The following NBAS variants were observed in gnomAD, a reference collection of about 807,000 sequenced individuals.
The protein encoded by NBAS is NAG/BC035112 fusion.
Under a neutral mutation model 302.5 loss-of-function variants are expected in NBAS, and 219 were observed. The observed-to-expected ratio is 0.72, with a 90% CI of 0.65 to 0.81. The LOEUF (loss-of-function observed/expected upper bound fraction) is 0.81. Ranked by LOEUF, NBAS falls within the 30% of genes least tolerant of loss-of-function variation. The pLI is 0.00. For missense variants in NBAS, 2,932 were observed against 2,841.6 expected (o/e 1.03, Z -0.72); for synonymous variants, 1,118 against 1,021.6 (o/e 1.09, Z -1.80).
chr2:15,217,453 T>A (rs1173066665), intron 48 of NBAS, among the ~76,000 whole-genome samples: 1 of 152,260 alleles, frequency 6.6e-6, no homozygotes, highest in Non-Finnish European at 1.5e-5. Flanking sequence ...AAAATCTGAT[T>A]CATTTTTTAA....
At chr2:14,784,179 G>C in the NBAS span, among the ~76,000 whole-genome samples, 1 of 151,992 alleles carries the variant, frequency 6.6e-6, no homozygotes, top group African/African-American at 2.4e-5. Context: ...TTTTTTTCTT[G>C]TAAATTCGTT....
chr2:15,469,426 T>C (rs1312718362), intron 16 of NBAS, among the ~76,000 whole-genome samples: 1 of 152,150 alleles, frequency 6.6e-6, no homozygotes, highest in Admixed American at 6.5e-5. Context: ...GAAGACAGTG[T>C]GGCGATTCCT....
intron 41 of NBAS, among the ~76,000 whole-genome samples, chr2:15,290,569 T>C (rs1210027392): frequency 6.6e-6 from 1 of 152,192 alleles, no homozygotes; most frequent in African/African-American, 2.4e-5. Context: ...ACCGTGAACA[T>C]GGCACCAAGG....
Position 15,427,752 on chromosome 2 carries a change from A to G in NBAS, c.2382T>C (p.His794=). The change falls in exon 22 of 52, where the codon CAT becomes CAC. Residue 794 remains histidine, a synonymous_variant. Coordinates refer to ENST00000281513, the MANE Select transcript of NBAS (RefSeq NM_015909.4). ...DSLMIIPWHE[H]KHRAKDWCEE... ...CGCACCAATCTTTAGCTCGGTGTTT[A>G]TGTTCATGCCAAGGAATGATCATCA... The G allele has an allele frequency of 1.2e-6, 2 of 1,613,612 alleles. No homozygotes were observed. Among genetic ancestry groups the G allele is most frequent in the African/African-American group, 2.7e-5 (2 of 75,018 alleles).
chr2:15,521,780 C>T (rs149669770), intron 9 of NBAS, among the ~76,000 whole-genome samples: 1 of 152,284 alleles, frequency 6.6e-6, no homozygotes, highest in Admixed American at 6.5e-5. Flanking sequence ...AGCCAGCAAA[C>T]TCCAGCCCCT....
At chr2:14,998,610 G>A in the NBAS span, among the ~76,000 whole-genome samples, 6 of 152,268 alleles carry the variant, frequency 3.9e-5, no homozygotes, top group African/African-American at 1.4e-4. Context: ...GCTACTCTGG[G>A]GGATTCATGT....
chr2:15,265,159 T>C (rs1171947600), intron 44 of NBAS, among the ~76,000 whole-genome samples: 3 of 152,230 alleles, frequency 2.0e-5, no homozygotes, highest in Non-Finnish European at 4.4e-5. Context: ...AAAATACTTA[T>C]GTCTTGGCTG....
intron 25 of NBAS, among the ~76,000 whole-genome samples, chr2:15,408,249 C>T (rs980389490): frequency 1.3e-5 from 2 of 152,162 alleles, no homozygotes; most frequent in East Asian, 1.9e-4. Flanking sequence ...AATACGCATA[C>T]TTGACTATTC....
rs1409768143 is a variant in NBAS at position 15,363,393 on chromosome 2, C to G, written c.3817+3187G>C. ...ATTCCTTTCTCTTATGTTATCAGAT[C>G]AATTAATTTTTGATTTGAGATGTGG... On this transcript the variant is annotated intron_variant, in intron 32 of 51. Transcript: ENST00000281513. Among the ~76,000 whole-genome samples the G allele has an allele frequency of 3.9e-5, 6 of 152,186 alleles. No individual in the cohort carries two copies. In the East Asian group the frequency reaches 1.2e-3, roughly 29 times the overall value.
intron 9 of NBAS, among the ~76,000 whole-genome samples, chr2:15,530,466 T>C (rs1001814577): frequency 6.6e-6 from 1 of 152,044 alleles, no homozygotes; most frequent in Non-Finnish European, 1.5e-5. Context: ...AACCAGAATA[T>C]AGATTTTTCA....
At chr2:15,474,371 T>C (rs1411719136) in intron 14 of NBAS, 47 bp from the exon 15 acceptor site, 2 of 1,521,024 alleles carry the variant, frequency 1.3e-6, no homozygotes, top group African/African-American at 2.8e-5. Flanking sequence ...GAAATAAGAA[T>C]AACTTTTTAG....
chr2:15,519,372 T>C (rs1454016866), intron 9 of NBAS, among the ~76,000 whole-genome samples: 3 of 152,184 alleles, frequency 2.0e-5, no homozygotes, highest in Non-Finnish European at 2.9e-5. Flanking sequence ...TGAATTCATA[T>C]AGAGGAATAA....
the NBAS span, among the ~76,000 whole-genome samples, chr2:14,928,979 T>C: frequency 3.3e-5 from 5 of 152,194 alleles, no homozygotes; most frequent in African/African-American, 4.8e-5. Flanking sequence ...TTTCACCTTA[T>C]TACCCTTTCA....
chr2:15,356,216 A>G, intron 33 of NBAS, 87 bp downstream of exon 33: 1 of 1,113,632 alleles, frequency 9.0e-7, no homozygotes, highest in Non-Finnish European at 1.4e-6. Flanking sequence ...CTTACCAATC[A>G]GGTCAATTGA....
the NBAS span, among the ~76,000 whole-genome samples, chr2:14,973,210 C>G: frequency 2.0e-5 from 3 of 152,160 alleles, no homozygotes; most frequent in Non-Finnish European, 4.4e-5. Flanking sequence ...CAGGTATGGG[C>G]TAGAACCTTC....
At chr2:15,098,041 GTATATAATA>G in the NBAS span, among the ~76,000 whole-genome samples, 14 of 4,670 alleles carry the variant, frequency 3.0e-3, 2 homozygotes, top group African/African-American at 7.9e-3. Flanking sequence ...ATATTATATT[GTATATAATA>G]TATTATATTG....
chr2:14,830,726 C>T, the NBAS span, among the ~76,000 whole-genome samples: 1 of 152,148 alleles, frequency 6.6e-6, no homozygotes, highest in African/African-American at 2.4e-5. Context: ...AAAAACAAAG[C>T]CCCTTCCAAT....
At chr2:15,308,471 C>T in intron 39 of NBAS, 118 bp from the exon 40 acceptor site, 1 of 1,244,644 alleles carries the variant, frequency 8.0e-7, no homozygotes, top group Non-Finnish European at 1.1e-6. Flanking sequence ...ATTACATCAA[C>T]TCAAGCTCAA....
At chr2:14,806,989 C>T in the NBAS span, among the ~76,000 whole-genome samples, 1 of 151,918 alleles carries the variant, frequency 6.6e-6, no homozygotes, top group Non-Finnish European at 1.5e-5. Flanking sequence ...CTTTTGTTTT[C>T]TTTGTAATCT....
Sources: gnomAD v4.1 joint callset for allele counts (sites outside exome capture counted in the v4.1 genomes callset) on GRCh38, gnomAD v4.1.1 for gene constraint, MANE v1.5 for transcripts, NCBI Gene and HGNC (gene_info 2026-07-23, HGNC 2026-07-21) for gene names.